The following KCNB2 variants were observed in gnomAD, a reference collection of about 807,000 sequenced individuals.
The protein encoded by KCNB2 is delayed rectifier potassium channel protein.
In KCNB2, 15 loss-of-function variants were observed where a neutral mutation model predicts 61.5. The ratio of observed to expected loss-of-function variants is 0.24; its 90% CI spans 0.16 to 0.38. The LOEUF is 0.38. Among genes scored for constraint, KCNB2 ranks in the 10% least tolerant of loss-of-function variants. KCNB2 has a pLI of 1.00. For synonymous variants in KCNB2, 457 were observed against 446.0 expected (o/e 1.02, Z -0.31); for missense variants, 828 against 1,125.2 (o/e 0.74, Z 3.78).
chr8:72,810,731 T>G (rs1039514405), intron 2 of KCNB2, among the ~76,000 whole-genome samples: 3 of 152,208 alleles, frequency 2.0e-5, no homozygotes, highest in Non-Finnish European at 4.4e-5. Context: ...CTATATTCAT[T>G]AGAAGGACTT....
chr8:72,769,060 T>C (rs1808516920), intron 2 of KCNB2, among the ~76,000 whole-genome samples: 2 of 152,084 alleles, frequency 1.3e-5, no homozygotes, highest in South Asian at 4.1e-4. Flanking sequence ...CTCGGGAGGC[T>C]GAGGCAGGAG....
chr8:72,624,282 C>T (rs16938263), intron 2 of KCNB2, among the ~76,000 whole-genome samples: 4,047 of 152,284 alleles, frequency 0.027, 74 homozygotes, highest in South Asian at 0.079. Flanking sequence ...TAGAAAACTT[C>T]TCCAATTATC....
At position 72,936,585 on chromosome 8, in the gene KCNB2, C is replaced by T. The variant is rs751050098; in HGVS notation, c.1230C>T (p.Ala410=). 7 of 1,614,000 alleles carry T rather than the reference C, an allele frequency of 4.3e-6. No homozygotes were observed. Among genetic ancestry groups the T allele is most frequent in the Admixed American group, 3.3e-5 (2 of 60,000 alleles). ...LCCIAGVLVI[A]LPIPIIVNNF... is the part of the protein sequence containing the mutation. ...GTATTGCTGGGGTTCTGGTTATTGCCCTTCCTATCCCAATTATTGTGAACA... is the reference window on the plus strand; with the variant it reads ...GTATTGCTGGGGTTCTGGTTATTGCTCTTCCTATCCCAATTATTGTGAACA... The change falls in exon 3 of 3, where the codon GCC becomes GCT. Residue 410 remains alanine (A), a synonymous_variant. Coordinates refer to ENST00000523207, the MANE Select transcript of KCNB2 (RefSeq NM_004770.3). This position sits in a 1 kb window ranked among gnomAD's most constrained non-coding sequence, Gnocchi z 5.6.
intron 2 of KCNB2, among the ~76,000 whole-genome samples, chr8:72,892,899 T>C (rs1461533986): frequency 6.6e-6 from 1 of 152,172 alleles, no homozygotes; most frequent in Non-Finnish European, 1.5e-5. Flanking sequence ...GCAGCAAATG[T>C]ACTTAAGGAA....
chr8:72,860,804 C>G (rs915087087), intron 2 of KCNB2, among the ~76,000 whole-genome samples: 21 of 152,206 alleles, frequency 1.4e-4, no homozygotes, highest in Admixed American at 1.4e-3. Context: ...AGATATTTCT[C>G]AAATGCATGA....
At chr8:72,585,705 G>T (rs959121384) in intron 2 of KCNB2, among the ~76,000 whole-genome samples, 3 of 152,052 alleles carry the variant, frequency 2.0e-5, no homozygotes, top group African/African-American at 7.2e-5. Flanking sequence ...ATCAATGATG[G>T]AAAAAAGAGA....
chr8:72,715,124 A>G (rs1011336599), intron 2 of KCNB2, among the ~76,000 whole-genome samples: 2 of 152,224 alleles, frequency 1.3e-5, no homozygotes, highest in Admixed American at 1.3e-4. Flanking sequence ...TCCTAAATAT[A>G]TATGCACCCA....
At chr8:72,633,547 T>C (rs968590928) in intron 2 of KCNB2, among the ~76,000 whole-genome samples, 2 of 152,154 alleles carry the variant, frequency 1.3e-5, no homozygotes, top group Non-Finnish European at 2.9e-5. Flanking sequence ...TTCTCTGGGT[T>C]CTGTGTTCCT....
chr8:72,912,238 A>C (rs1468916570), intron 2 of KCNB2, among the ~76,000 whole-genome samples: 2 of 152,096 alleles, frequency 1.3e-5, no homozygotes, highest in East Asian at 1.9e-4. Context: ...CCAACTCCAC[A>C]TGGAAAGGGG....
At chr8:72,870,509 A>G (rs1805599576) in intron 2 of KCNB2, among the ~76,000 whole-genome samples, 1 of 152,216 alleles carries the variant, frequency 6.6e-6, no homozygotes, top group South Asian at 2.1e-4. Context: ...GAACTGGAAC[A>G]TTCCTCATGT....
chr8:72,600,299 T>C (rs2128982411), intron 2 of KCNB2, among the ~76,000 whole-genome samples: 1 of 152,140 alleles, frequency 6.6e-6, no homozygotes, highest in African/African-American at 2.4e-5. Flanking sequence ...TGTAGGGACA[T>C]GGATGAAGCT....
chr8:72,637,339 A>G (rs1204873640), intron 2 of KCNB2, among the ~76,000 whole-genome samples: 2 of 152,184 alleles, frequency 1.3e-5, no homozygotes, highest in Non-Finnish European at 2.9e-5. Flanking sequence ...AGCAAGTTGC[A>G]CTAGGAGATT....
At chr8:72,655,141 T>C (rs1205415344) in intron 2 of KCNB2, among the ~76,000 whole-genome samples, 1 of 152,192 alleles carries the variant, frequency 6.6e-6, no homozygotes, top group Non-Finnish European at 1.5e-5. Context: ...TCACGTCGTT[T>C]GCAGCAACAT....
intron 2 of KCNB2, among the ~76,000 whole-genome samples, chr8:72,607,742 TTTTA>T (rs1439645911): frequency 2.0e-5 from 3 of 152,114 alleles, no homozygotes; most frequent in Non-Finnish European, 4.4e-5. Flanking sequence ...TTAGAAAAAA[TTTTA>T]TTTGTTATAA....
At chr8:72,810,471 GA>G (rs770204371) in intron 2 of KCNB2, among the ~76,000 whole-genome samples, 92 of 152,150 alleles carry the variant, frequency 6.0e-4, no homozygotes, top group Non-Finnish European at 5.4e-4. Context: ...GTCCATTGCT[GA>G]CCAGCCCTCC....
chr8:72,821,821 A>G lies in KCNB2; in HGVS notation c.580-114114A>G, dbSNP rs951723931. 2.6e-5 allele frequency among the ~76,000 whole-genome samples: 4 copies of G among 152,086 alleles called. No homozygotes were observed. In the South Asian group the frequency reaches 8.3e-4, roughly 32 times the overall value. ...TGTTTTTATAACAAAGGTGAAGGGA[A>G]GGATGGAGGGAGGGAGGGAAGGACG... On this transcript the variant is annotated intron_variant, in intron 2 of 2. Transcript: ENST00000523207.
chr8:72,655,982 G>A lies in KCNB2; in HGVS notation c.579+87669G>A, dbSNP rs191278169. 2.0e-5 allele frequency among the ~76,000 whole-genome samples: 3 copies of A among 152,248 alleles called. 1 individual carries two copies. Among genetic ancestry groups the A allele is most frequent in the Admixed American group, 2.0e-4 (3 of 15,268 alleles). Reference sequence around the variant, plus strand: ...TTCAATAGATGTGGTCCTAAGAAAGGTCAAGAAAGGTTTCTTAGTGGAAGA... The same window carrying A: ...TTCAATAGATGTGGTCCTAAGAAAGATCAAGAAAGGTTTCTTAGTGGAAGA... On this transcript the variant is annotated intron_variant, in intron 2 of 2. Transcript: ENST00000523207.
intron 2 of KCNB2, among the ~76,000 whole-genome samples, chr8:72,600,738 C>T (rs1377880872): frequency 2.0e-5 from 3 of 151,830 alleles, no homozygotes. Context: ...AACAGATGAA[C>T]AGAAAATCAA....
At chr8:72,835,142 C>A (rs1218881926) in intron 2 of KCNB2, among the ~76,000 whole-genome samples, 1 of 152,150 alleles carries the variant, frequency 6.6e-6, no homozygotes, top group Non-Finnish European at 1.5e-5. Context: ...AAATTCTGAC[C>A]AAAACCACTT....
Sources: gnomAD v4.1 joint callset for allele counts (sites outside exome capture counted in the v4.1 genomes callset) on GRCh38, gnomAD v4.1.1 for gene constraint, Gnocchi (gnomAD v3.1) non-coding constraint, MANE v1.5 for transcripts, NCBI Gene and HGNC (gene_info 2026-07-23, HGNC 2026-07-21) for gene names.